The following CECR2 variants were observed in gnomAD, a reference collection of about 807,000 sequenced individuals.
CECR2 encodes the protein chromatin remodeling regulator CECR2.
In CECR2, 30 loss-of-function variants were observed where a neutral mutation model predicts 154.5. The ratio of observed to expected loss-of-function variants is 0.19; its 90% confidence interval spans 0.15 to 0.26. The LOEUF (loss-of-function observed/expected upper bound fraction) is 0.26. Ranked by LOEUF, CECR2 falls within the 10% of genes least tolerant of loss-of-function variation. The probability of loss-of-function intolerance (pLI) is 1.00; values close to 1 mark genes in which losing one functional copy is unlikely to be tolerated. For missense variants in CECR2, 1,743 were observed against 1,829.3 expected (o/e 0.95, Z 0.86); for synonymous variants, 725 against 683.7 (o/e 1.06, Z -0.94).
In CECR2 at chr22:17,553,154, C is replaced by G. The variant is rs2056734476; in HGVS notation, c.*314C>G. 2.7e-5 allele frequency: 9 copies of G among 330,262 alleles called. No individual in the cohort carries two copies. In the South Asian group the frequency reaches 7.3e-4, roughly 27 times the overall value. The allele number at this position is 330,262 out of a possible 1,614,324, so 20.5% of individuals were successfully genotyped here. On this transcript the variant is annotated 3_prime_UTR_variant, in exon 19 of 19. Coordinates refer to ENST00000262608, the MANE Select transcript of CECR2 (RefSeq NM_001290047.2). ...CTGAGACACTTTTCAGGGAAAATCA[C>G]TTTAAACTTGGGGGAGGGGGTATAC...
chr22:17,514,035 T>C (rs929592694), intron 8 of CECR2, among the ~76,000 whole-genome samples: 1 of 152,222 alleles, frequency 6.6e-6, no homozygotes, highest in Non-Finnish European at 1.5e-5. Context: ...CCCGATATCC[T>C]GGAGAAACCC....
chr22:17,379,476 T>G (rs2063159732), intron 1 of CECR2, among the ~76,000 whole-genome samples: 3 of 152,028 alleles, frequency 2.0e-5, no homozygotes, highest in Admixed American at 1.3e-4. Flanking sequence ...CCATTGCCTG[T>G]CAGGGCACAA....
chr22:17,472,748 C>T (rs2055148125), intron 1 of CECR2, among the ~76,000 whole-genome samples: 1 of 152,070 alleles, frequency 6.6e-6, no homozygotes, highest in South Asian at 2.1e-4. Context: ...AGAAACACAT[C>T]AAACAAGAAA....
chr22:17,412,681 CTG>C (rs2054084892), intron 1 of CECR2, among the ~76,000 whole-genome samples: 1 of 152,176 alleles, frequency 6.6e-6, no homozygotes, highest in Admixed American at 6.5e-5. Flanking sequence ...GCTGAGGAAA[CTG>C]TCCCTCAGCC....
intron 9 of CECR2, among the ~76,000 whole-genome samples, chr22:17,526,242 C>T (rs1352878646): frequency 6.6e-6 from 1 of 152,174 alleles, no homozygotes; most frequent in African/African-American, 2.4e-5. Context: ...AATTACCTGA[C>T]TTCAAATTGT....
chr22:17,493,522 G>T (rs1426165168), intron 2 of CECR2, among the ~76,000 whole-genome samples: 1 of 152,170 alleles, frequency 6.6e-6, no homozygotes, highest in Non-Finnish European at 1.5e-5. Context: ...TTTAAAAGGA[G>T]ATGTAGATTT....
chr22:17,538,581 C>A, intron 11 of CECR2, 24 bp downstream of exon 11: 1 of 1,613,480 alleles, frequency 6.2e-7, no homozygotes, highest in Non-Finnish European at 8.5e-7. Flanking sequence ...CTCCACTGTT[C>A]TGTTTGTGAT....
At position 17,447,448 on chromosome 22, in the gene CECR2, C is replaced by T. The variant is rs796182825; in HGVS notation, c.127-30140C>T. On this transcript the variant is annotated intron_variant, in intron 1 of 18. Transcript: ENST00000262608. ...GATTACAGGCGTGAGCCACCGTGCC[C>T]GGCTGTTTACAATCCTTTAGCTAGA... Among the ~76,000 whole-genome samples, 16 of 151,932 alleles carry T rather than the reference C, an allele frequency of 1.1e-4. 1 individual carries two copies. The highest frequency in any genetic ancestry group is 3.4e-4 in the African/African-American group (14 of 41,442).
intron 1 of CECR2, among the ~76,000 whole-genome samples, chr22:17,396,171 G>A (rs1020091446): frequency 4.6e-5 from 7 of 151,274 alleles, no homozygotes; most frequent in African/African-American, 7.3e-5. Flanking sequence ...GAGCCCAGGA[G>A]GTTGAGGCTG....
At chr22:17,475,482 C>T (rs149309941) in intron 1 of CECR2, among the ~76,000 whole-genome samples, 1 of 152,066 alleles carries the variant, frequency 6.6e-6, no homozygotes, top group Non-Finnish European at 1.5e-5. Flanking sequence ...TTAAAAGAGA[C>T]AGGGTCTTGC....
At position 17,412,085 on chromosome 22, in the gene CECR2, C is replaced by T. The variant is rs140942402; in HGVS notation, c.126+42176C>T. On this transcript the variant is annotated intron_variant, in intron 1 of 18. Coordinates refer to ENST00000262608, the MANE Select transcript of CECR2 (RefSeq NM_001290047.2). ...AGTGGAGTGTGTAATCTCAAAGTCA[C>T]GTACTGGTAAATTTCTAAAATATTC... is the stretch of plus-strand genomic sequence containing the variant. Among the ~76,000 whole-genome samples the T allele has an allele frequency of 2.4e-4, 36 of 152,224 alleles. No homozygotes were observed. The East Asian group carries it at 5.0e-3, about 21-fold the overall frequency.
intron 2 of CECR2, among the ~76,000 whole-genome samples, chr22:17,494,765 G>A (rs1474399666): frequency 1.3e-5 from 2 of 152,094 alleles, no homozygotes; most frequent in Non-Finnish European, 2.9e-5. Flanking sequence ...CACAATCTCG[G>A]CTCACGGCAA....
At chr22:17,490,840 C>T (rs150794110) in intron 2 of CECR2, among the ~76,000 whole-genome samples, 129 of 152,152 alleles carry the variant, frequency 8.5e-4, no homozygotes, top group African/African-American at 2.9e-3. Context: ...CAGAATACTT[C>T]TATTACCCTA....
chr22:17,364,342 C>CAAAAAAAAAAAAAAAAAAAAAAAAAAAA (rs59134897), intron 1 of CECR2, among the ~76,000 whole-genome samples: 1 of 52,946 alleles, frequency 1.9e-5, no homozygotes. Context: ...GACTCTGTCT[C>CAAAAAAAAAAAAAAAAAAAAAAAAAAAA]AAAAAAAAAA....
intron 5 of CECR2, 29 bp downstream of exon 5, chr22:17,500,764 A>AAGGTCCTTACTAACAAGTAAG (rs1402974281): frequency 1.4e-6 from 2 of 1,418,304 alleles, no homozygotes; most frequent in South Asian, 2.6e-5. Flanking sequence ...TTGTGGTCAT[A>AAGGTCCTTACTAACAAGTAAG]GACCATGGCA....
intron 2 of CECR2, among the ~76,000 whole-genome samples, chr22:17,495,344 G>A (rs1401077731): frequency 1.3e-5 from 2 of 152,020 alleles, no homozygotes; most frequent in Admixed American, 1.3e-4. Flanking sequence ...TAAGGCAAGC[G>A]GATCACCTGA....
chr22:17,490,526 C>T (rs2055508550), intron 2 of CECR2, among the ~76,000 whole-genome samples: 1 of 152,154 alleles, frequency 6.6e-6, no homozygotes, highest in African/African-American at 2.4e-5. Flanking sequence ...CCTCCGCCTC[C>T]TGAGTGCAAG....
intron 1 of CECR2, among the ~76,000 whole-genome samples, chr22:17,447,463 C>CT (rs2054691585): frequency 6.6e-6 from 1 of 151,674 alleles, no homozygotes; most frequent in South Asian, 2.1e-4. Context: ...GTTTACAATC[C>CT]TTTAGCTAGA....
rs372498587 is a variant in CECR2 at position 17,362,901 on chromosome 22, C to CA, written c.-364+2899dup. On this transcript the variant is annotated intron_variant, in intron 1 of 18. Transcript: ENST00000400585. ...TGGGCGACAGAGCGAAACTCCGTCTCAAAAAAAAAAAAAAAAAAAAAGAAT... is the reference window on the plus strand; with the variant it reads ...TGGGCGACAGAGCGAAACTCCGTCTCAAAAAAAAAAAAAAAAAAAAAAGAAT... Among the ~76,000 whole-genome samples, 440 of 82,030 alleles carry CA rather than the reference C, an allele frequency of 5.4e-3. 3 individuals carry two copies. Among genetic ancestry groups the CA allele is most frequent in the Admixed American group, 0.01 (69 of 6,862 alleles). The allele number at this position is 82,030 out of a possible 152,430, so 53.8% of individuals were successfully genotyped here. A position where few individuals can be genotyped will look rare whatever the true frequency, so the allele number is the denominator to read the frequency against.
Sources: gnomAD v4.1 joint callset for allele counts (sites outside exome capture counted in the v4.1 genomes callset) on GRCh38, gnomAD v4.1.1 for gene constraint, MANE v1.5 for transcripts, NCBI Gene and HGNC (gene_info 2026-07-23, HGNC 2026-07-21) for gene names.